Variants in LOXL2 observed in about 807,000 individuals in gnomAD.
The protein encoded by LOXL2 is lysyl oxidase like 2.
Under a neutral mutation model 93.0 loss-of-function variants are expected in LOXL2, and 70 were observed. That is an observed-to-expected ratio of 0.75 (90% confidence interval 0.62 to 0.92). The LOEUF (loss-of-function observed/expected upper bound fraction) is 0.92, where lower values mean the gene tolerates loss of function less well. LOXL2 is among the 40% of genes least tolerant of loss of function. LOXL2 has a pLI of 0.00. For synonymous variants in LOXL2, 438 were observed against 413.2 expected (o/e 1.06, Z -0.73); for missense variants, 973 against 1,054.9 (o/e 0.92, Z 1.08).
In LOXL2 at chr8:23,368,026, G is replaced by A; in HGVS notation, c.326C>T (p.Thr109Ile). Reference protein sequence around the residue: ...ELGYVEAKSWTASSSYGKGEG... With the variant: ...ELGYVEAKSWIASSSYGKGEG... ...TCCCTTGCCGTAGGAGGAGCTGGCA[G>A]TCCAGGACTTGGCCTCCACGTAGCC... Residue 109 changes from threonine (T) to isoleucine (I), a missense_variant, in exon 2 of 14, where the codon ACT (threonine) becomes ATT (isoleucine). Transcript: ENST00000389131. 1 of 1,613,706 alleles carries A rather than the reference G, an allele frequency of 6.2e-7. No individual in the cohort carries two copies. Among genetic ancestry groups the A allele is most frequent in the South Asian group, 1.1e-5 (1 of 91,076 alleles).
At chr8:23,400,964 ACAG>A (rs1404575796) in intron 1 of LOXL2, among the ~76,000 whole-genome samples, 1 of 152,166 alleles carries the variant, frequency 6.6e-6, no homozygotes, top group African/African-American at 2.4e-5. Flanking sequence ...GGGATTTCTG[ACAG>A]CAGGTGTATA....
intron 1 of LOXL2, among the ~76,000 whole-genome samples, chr8:23,402,026 G>T (rs372580370): frequency 6.6e-6 from 1 of 152,288 alleles, no homozygotes; most frequent in East Asian, 1.9e-4. Context: ...ATATACACAC[G>T]TGCACACATG....
chr8:23,369,606 T>G (rs1223729780), intron 1 of LOXL2, among the ~76,000 whole-genome samples: 1 of 152,128 alleles, frequency 6.6e-6, no homozygotes, highest in Admixed American at 6.5e-5. Context: ...CAGTTCCATG[T>G]CTGTTGGGTG....
chr8:23,368,140 C>A lies in LOXL2; in HGVS notation c.212G>T (p.Arg71Leu), dbSNP rs140179433. Residue 71 changes from arginine to leucine, a missense_variant, in exon 2 of 14, where the codon CGG (arginine) becomes CTG (leucine). Arg to Leu is a moderately radical substitution (Grantham distance 102). Transcript: ENST00000389131. ...AGQKRKHSEGRVEVYYDGQWG... is the reference protein window; with the variant it reads ...AGQKRKHSEGLVEVYYDGQWG... ...CTGGCCATCATAGTACACCTCCACC[C>A]GGCCCTCGCTGTGCTTCCTCTTCTG... 46 of 1,614,002 alleles carry A rather than the reference C, an allele frequency of 2.9e-5. No homozygotes were observed. In the African/African-American group the frequency reaches 5.6e-4, roughly 20 times the overall value.
intron 3 of LOXL2, among the ~76,000 whole-genome samples, chr8:23,342,725 C>T (rs1803904201): frequency 6.6e-6 from 1 of 152,024 alleles, no homozygotes; most frequent in African/African-American, 2.4e-5. Flanking sequence ...GCCACCGTGC[C>T]CGGCCTTTTT....
chr8:23,331,807 G>C (rs1444607927), intron 5 of LOXL2: 3 of 152,058 alleles, frequency 2.0e-5, no homozygotes, highest in Non-Finnish European at 4.4e-5. Context: ...AGGCTGAGGC[G>C]GGTGGGCCAT....
At position 23,309,783 on chromosome 8, in the gene LOXL2, G is replaced by C; in HGVS notation, c.1765C>G (p.Pro589Ala). The C allele has an allele frequency of 6.2e-7, 1 of 1,604,272 alleles. No individual in the cohort carries two copies. The highest frequency in any genetic ancestry group is 1.1e-5 in the South Asian group (1 of 89,072). The change falls in exon 10 of 14, where the codon CCC (proline) becomes GCC (alanine). Residue 589 changes from proline (P) to alanine (A), a missense_variant. Physicochemically the swap from Pro to Ala is conservative, Grantham distance 27. Transcript: ENST00000389131. ...AGGAGCCGGCGGTAGCCCGTGGTGGGGTCGGTCTGCGCGGCTGAGGCCGAG... is the reference window on the plus strand; with the variant it reads ...AGGAGCCGGCGGTAGCCCGTGGTGGCGTCGGTCTGCGCGGCTGAGGCCGAG... ...CLSASAAQTD[P>A]TTGYRRLLRF...
At chr8:23,309,494 T>C (rs1320768482) in intron 10 of LOXL2, among the ~76,000 whole-genome samples, 174 bp downstream of exon 10, 1 of 152,162 alleles carries the variant, frequency 6.6e-6, no homozygotes, top group African/African-American at 2.4e-5. Flanking sequence ...GAGAATGGCT[T>C]CGGGAAATCT....
intron 1 of LOXL2, among the ~76,000 whole-genome samples, chr8:23,381,824 CCT>C (rs1294341361): frequency 1.3e-5 from 2 of 152,210 alleles, no homozygotes; most frequent in South Asian, 2.1e-4. Flanking sequence ...AATGTTGTCC[CCT>C]CTCTCTGCTT....
chr8:23,332,407 C>T (rs1476913378), intron 5 of LOXL2, among the ~76,000 whole-genome samples: 2 of 138,274 alleles, frequency 1.4e-5, no homozygotes, highest in Non-Finnish European at 3.1e-5. Context: ...CACTCATACA[C>T]ACACCGCCAC....
chr8:23,313,665 T>G (rs1803350318), intron 9 of LOXL2, among the ~76,000 whole-genome samples: 3 of 151,344 alleles, frequency 2.0e-5, no homozygotes, highest in South Asian at 4.2e-4. Context: ...ATTAAAGACT[T>G]AAACATTAGA....
chr8:23,299,878 GGCCAGCCTGGCAGCCGGC>G (rs1803100407), intron 12 of LOXL2, among the ~76,000 whole-genome samples: 1 of 152,250 alleles, frequency 6.6e-6, no homozygotes, highest in Admixed American at 6.5e-5. Flanking sequence ...GGGAAGCCAA[GGCCAGCCTGGCAGCCGGC>G]CCTCTGCTCT....
At chr8:23,383,079 C>A (rs1804703028) in intron 1 of LOXL2, among the ~76,000 whole-genome samples, 1 of 152,154 alleles carries the variant, frequency 6.6e-6, no homozygotes, top group Admixed American at 6.5e-5. Flanking sequence ...AAACTCGACC[C>A]TATAAGCCTA....
At chr8:23,391,262 A>G (rs929193882) in intron 1 of LOXL2, among the ~76,000 whole-genome samples, 1 of 152,214 alleles carries the variant, frequency 6.6e-6, no homozygotes, top group South Asian at 2.1e-4. Context: ...ACAAAACAAG[A>G]GACATGGTTT....
At chr8:23,343,641 C>T (rs1488062870) in intron 3 of LOXL2, among the ~76,000 whole-genome samples, 3 of 152,216 alleles carry the variant, frequency 2.0e-5, no homozygotes, top group Non-Finnish European at 2.9e-5. Context: ...TCCTGCAAGG[C>T]GGTGGAAAGT....
rs553739725 is a variant in LOXL2 at position 23,332,291 on chromosome 8, C to A, written c.966+1110G>T. Reference sequence around the variant, plus strand: ...ACACATACACACAACCCACACAGACCCCCACACACACTCATACACACCCCC... The same window carrying A: ...ACACATACACACAACCCACACAGACACCCACACACACTCATACACACCCCC... On this transcript the variant is annotated intron_variant, in intron 5 of 13. Transcript: ENST00000389131. Among the ~76,000 whole-genome samples, 113 of 114,910 alleles carry A rather than the reference C, an allele frequency of 9.8e-4. 1 individual carries two copies. The highest frequency in any genetic ancestry group is 1.8e-3 in the Non-Finnish European group (102 of 56,822). The allele number at this position is 114,910 out of a possible 152,430, so 75.4% of individuals were successfully genotyped here. A position where few individuals can be genotyped will look rare whatever the true frequency, so the allele number is the denominator to read the frequency against.
intron 1 of LOXL2, among the ~76,000 whole-genome samples, chr8:23,383,882 G>A (rs979608320): frequency 6.6e-5 from 10 of 151,868 alleles, no homozygotes; most frequent in African/African-American, 1.9e-4. Context: ...GGATGGTCTC[G>A]ATCTGCTGAC....
chr8:23,330,797 G>A (rs1161576176), intron 5 of LOXL2, among the ~76,000 whole-genome samples: 1 of 151,670 alleles, frequency 6.6e-6, no homozygotes, highest in Non-Finnish European at 1.5e-5. Context: ...GGGCAAGCAG[G>A]GTGTGGTGGG....
intron 1 of LOXL2, among the ~76,000 whole-genome samples, chr8:23,376,311 C>T (rs1275225842): frequency 1.3e-5 from 2 of 152,138 alleles, no homozygotes; most frequent in Non-Finnish European, 2.9e-5. Context: ...GGTGGATAAG[C>T]TTTTTGATGT....
Sources: gnomAD v4.1 joint callset for allele counts (sites outside exome capture counted in the v4.1 genomes callset) on GRCh38, gnomAD v4.1.1 for gene constraint, MANE v1.5 for transcripts, NCBI Gene and HGNC (gene_info 2026-07-23, HGNC 2026-07-21) for gene names.